The following MRC2 variants were observed in gnomAD, a reference collection of about 807,000 sequenced individuals.
The protein encoded by MRC2 is mannose receptor C-type 2.
In MRC2, 84 loss-of-function variants were observed where a neutral mutation model predicts 206.2. That is an observed-to-expected ratio of 0.41 (90% CI 0.34 to 0.49). The LOEUF (loss-of-function observed/expected upper bound fraction) is 0.49, where lower values mean the gene tolerates loss of function less well. MRC2 is among the 20% of genes least tolerant of loss of function. The probability of loss-of-function intolerance (pLI) is 0.31; values close to 1 mark genes in which losing one functional copy is unlikely to be tolerated. For missense variants in MRC2, 1,676 were observed against 2,001.5 expected, an observed-to-expected ratio of 0.84 and a Z score of 3.10; for synonymous variants, 798 against 800.0, an observed-to-expected ratio of 1.00 and a Z score of 0.04.
intron 23 of MRC2, chr17:62,689,253 A>G: frequency 3.4e-6 from 2 of 586,190 alleles, no homozygotes; most frequent in Admixed American, 3.0e-5. Flanking sequence ...TCCAGGTCCA[A>G]GACACCTCCA....
At chr17:62,685,485 A>T (rs1024966787) in intron 20 of MRC2, among the ~76,000 whole-genome samples, 2 of 152,182 alleles carry the variant, frequency 1.3e-5, no homozygotes, top group South Asian at 4.1e-4. Context: ...TCCCATTCTT[A>T]ATCATCATTG....
At chr17:62,660,660 A>G (rs553455921) in intron 1 of MRC2, among the ~76,000 whole-genome samples, 1 of 152,334 alleles carries the variant, frequency 6.6e-6, no homozygotes, top group African/African-American at 2.4e-5. Flanking sequence ...AACCTCCACA[A>G]GAGCAAGGTA....
intron 1 of MRC2, among the ~76,000 whole-genome samples, chr17:62,632,959 C>T (rs1005546854): frequency 3.3e-5 from 5 of 152,272 alleles, no homozygotes; most frequent in Middle Eastern, 3.4e-3. Context: ...TGTTTCCCCC[C>T]GTCAGTCCTC....
rs1242402036 is a variant in MRC2, at chr17:62,666,383, T to C, written c.695-72T>C. The C allele has an allele frequency of 1.2e-6, 2 of 1,604,704 alleles. No homozygotes were observed. The highest frequency in any genetic ancestry group is 1.7e-6 in the Non-Finnish European group (2 of 1,176,374). ...CCCCTCCCCTACCTAGTGTAGCCTT[T>C]TGGTGGGGGAGGGTCTGCACTCCCG... On this transcript the variant is annotated intron_variant, in intron 3 of 29. Coordinates refer to ENST00000303375, the MANE Select transcript of MRC2 (RefSeq NM_006039.5). The surrounding 1 kb of genome is among the most constrained non-coding windows in gnomAD (Gnocchi z 5.0).
chr17:62,664,536 C>T lies in MRC2; in HGVS notation c.119-12C>T. ...CCCCTGTGATGCCTTCGTGTCTTGC[C>T]TTCCCTTCCAGAACCCAACGTCTTC... is the stretch of plus-strand genomic sequence containing the variant. On this transcript the variant is annotated splice_polypyrimidine_tract_variant and intron_variant, in intron 1 of 29. Transcript: ENST00000303375. This position sits in a 1 kb window ranked among gnomAD's most constrained non-coding sequence, Gnocchi z 4.7. 1 of 1,598,816 alleles carries T rather than the reference C, an allele frequency of 6.3e-7. No homozygotes were observed. Among genetic ancestry groups the T allele is most frequent in the Non-Finnish European group, 8.5e-7 (1 of 1,172,584 alleles).
At chr17:62,650,228 T>TGTTTTGCCACTCAGAAAAAC (rs2088539811) in intron 1 of MRC2, among the ~76,000 whole-genome samples, 4 of 152,160 alleles carry the variant, frequency 2.6e-5, no homozygotes, top group Non-Finnish European at 5.9e-5. Context: ...TACTGAAAAA[T>TGTTTTGCCACTCAGAAAAAC]GCTTTGCCAC....
intron 1 of MRC2, among the ~76,000 whole-genome samples, chr17:62,630,223 G>T (rs2084205681): frequency 6.6e-6 from 1 of 152,216 alleles, no homozygotes; most frequent in Non-Finnish European, 1.5e-5. Context: ...GAATGCCATT[G>T]GTGGGATGCC....
intron 1 of MRC2, among the ~76,000 whole-genome samples, chr17:62,655,013 C>T (rs1428224149): frequency 5.3e-5 from 8 of 152,194 alleles, no homozygotes; most frequent in African/African-American, 9.7e-5. Context: ...GGGCTGCGTG[C>T]GGTGGCTCAC....
intron 1 of MRC2, among the ~76,000 whole-genome samples, chr17:62,630,620 C>T (rs971152872): frequency 2.0e-5 from 3 of 152,038 alleles, no homozygotes; most frequent in Non-Finnish European, 4.4e-5. Flanking sequence ...GTGGGGAACC[C>T]CAGGGGACCC....
At chr17:62,688,449 C>T (rs780704732) in intron 21 of MRC2, 46 bp downstream of exon 21, 15 of 1,614,004 alleles carry the variant, frequency 9.3e-6, no homozygotes, top group Admixed American at 1.7e-5. Context: ...TGACACTGTC[C>T]CCCCAAATAG....
intron 1 of MRC2, among the ~76,000 whole-genome samples, chr17:62,650,463 C>T (rs545213198): frequency 2.6e-5 from 4 of 152,330 alleles, no homozygotes; most frequent in African/African-American, 7.2e-5. Flanking sequence ...TCTCACACAT[C>T]CTGAAGCCAA....
In MRC2 at chr17:62,680,401, T is replaced by C. The variant is rs1279926482; in HGVS notation, c.2438-17T>C. The C allele has an allele frequency of 6.2e-7, 1 of 1,614,102 alleles. No homozygotes were observed. The highest frequency in any genetic ancestry group is 1.1e-5 in the South Asian group (1 of 91,088). ...GGGTCTCCTTTCCTCACAACGTCTT[T>C]GTCCTTGTTCCCCTAGGTACGGACG... On this transcript the variant is annotated splice_polypyrimidine_tract_variant and intron_variant, in intron 15 of 29. Coordinates refer to ENST00000303375, the MANE Select transcript of MRC2 (RefSeq NM_006039.5). This position sits in a 1 kb window ranked among gnomAD's most constrained non-coding sequence, Gnocchi z 4.8.
At chr17:62,661,562 CTCCT>C (rs1453811323) in intron 1 of MRC2, 10 of 125,560 alleles carry the variant, frequency 8.0e-5, no homozygotes, top group East Asian at 7.1e-4. Flanking sequence ...TTCTTTCTTT[CTCCT>C]TCCTTCCTTC....
chr17:62,666,930 C>A lies in MRC2; in HGVS notation c.973+60C>A, dbSNP rs894352515. ...GGGGCCCCGCGGGCTCTTGGCCTCC[C>A]ATGGACTCCTCTCCTCATGTCCTCC... On this transcript the variant is annotated intron_variant, in intron 5 of 29. Coordinates refer to ENST00000303375, the MANE Select transcript of MRC2 (RefSeq NM_006039.5). This position sits in a 1 kb window ranked among gnomAD's most constrained non-coding sequence, Gnocchi z 5.0. 8 of 1,276,924 alleles carry A rather than the reference C, an allele frequency of 6.3e-6. No individual in the cohort carries two copies. The highest frequency in any genetic ancestry group is 9.0e-6 in the Non-Finnish European group (8 of 887,546). 79.1% of individuals were successfully genotyped at this position (1,276,924 alleles called of 1,614,324 possible).
chr17:62,634,453 A>G (rs1248422491), intron 1 of MRC2, among the ~76,000 whole-genome samples: 1 of 152,122 alleles, frequency 6.6e-6, no homozygotes, highest in Non-Finnish European at 1.5e-5. Context: ...GGCATGTGCC[A>G]CTACACGTGG....
chr17:62,648,864 C>T (rs148359750), intron 1 of MRC2, among the ~76,000 whole-genome samples: 233 of 152,328 alleles, frequency 1.5e-3, no homozygotes, highest in African/African-American at 4.8e-3. Context: ...CCAGGCTCTC[C>T]GCTGTGAAAC....
In MRC2 at chr17:62,680,521, C is replaced by T. The variant is rs1220365250; in HGVS notation, c.2473+68C>T. On this transcript the variant is annotated intron_variant, in intron 16 of 29. Coordinates refer to ENST00000303375, the MANE Select transcript of MRC2 (RefSeq NM_006039.5). This position sits in a 1 kb window ranked among gnomAD's most constrained non-coding sequence, Gnocchi z 4.8. ...AGGGCGTCAACTCTGGGGTAAGTCC[C>T]GAGAGGCCTGAATGAAATGGAGGGG... 8.8e-6 allele frequency: 14 copies of T among 1,591,948 alleles called. No homozygotes were observed. The highest frequency in any genetic ancestry group is 2.7e-5 in the African/African-American group (2 of 74,460).
In MRC2 at chr17:62,671,643, C is replaced by G. The variant is rs781170836; in HGVS notation, c.1118-6C>G. 1.3e-6 allele frequency: 2 copies of G among 1,571,006 alleles called. No individual in the cohort carries two copies. The highest frequency in any genetic ancestry group is 1.2e-5 in the South Asian group (1 of 83,880). The stretch of plus-strand genomic sequence containing the variant: ...CCCTGAGCAGCAGCCTCATGGGTCT[C>G]TGCAGACAGGTGGGCCAATGTGAAG... On this transcript the variant is annotated splice_region_variant and splice_polypyrimidine_tract_variant and intron_variant, in intron 6 of 29. Coordinates refer to ENST00000303375, the MANE Select transcript of MRC2 (RefSeq NM_006039.5). The surrounding 1 kb of genome is among the most constrained non-coding windows in gnomAD (Gnocchi z 4.5).
At chr17:62,670,050 G>C (rs2088808375) in intron 6 of MRC2, among the ~76,000 whole-genome samples, 1 of 152,204 alleles carries the variant, frequency 6.6e-6, no homozygotes. Flanking sequence ...GGCATGCCTA[G>C]CCTATCTGTG....
Sources: allele counts gnomAD v4.1 joint callset (sites outside exome capture counted in the v4.1 genomes callset), GRCh38; gene constraint gnomAD v4.1.1; non-coding constraint Gnocchi (gnomAD v3.1); transcripts MANE v1.5; gene names NCBI Gene and HGNC (gene_info 2026-07-23, HGNC 2026-07-21).